The following IRAK1 variants were observed in gnomAD, a reference collection of about 807,000 sequenced individuals.
IRAK1 encodes interleukin-1 receptor-associated kinase 1.
A neutral mutation model predicts 49.8 loss-of-function variants in IRAK1; 9 were observed. The ratio of observed to expected loss-of-function variants is 0.18; its 90% CI spans 0.11 to 0.32. The LOEUF (loss-of-function observed/expected upper bound fraction) is 0.32, where lower values mean the gene tolerates loss of function less well. IRAK1 is among the 10% of genes least tolerant of loss of function. The pLI is 1.00. For synonymous variants in IRAK1, 282 were observed against 270.8 expected (o/e 1.04, Z -0.41); for missense variants, 418 against 600.5 (o/e 0.70, Z 3.18).
Position 154,014,283 on chromosome X carries a change from G to A in IRAK1, c.1303-5C>T. 8.3e-7 allele frequency: 1 copy of A among 1,208,290 alleles called. No individual in the cohort carries two copies. Among genetic ancestry groups the A allele is most frequent in the Admixed American group, 2.2e-5 (1 of 45,532 alleles). ...CTCCTCTTCCACCAGGTCTTTCTGTGGGATAAATACTGTCAGTATGGCTAC... is the reference window on the plus strand; with the variant it reads ...CTCCTCTTCCACCAGGTCTTTCTGTAGGATAAATACTGTCAGTATGGCTAC... On this transcript the variant is annotated splice_polypyrimidine_tract_variant and splice_region_variant and intron_variant, in intron 10 of 13. Coordinates refer to ENST00000369980, the MANE Select transcript of IRAK1 (RefSeq NM_001569.4).
rs1443117961 is a variant in IRAK1 at position 154,014,404 on chromosome X, C to A, written c.1303-126G>T. The A allele has an allele frequency of 1.0e-5, 7 of 680,082 alleles. No homozygotes were observed. In the Admixed American group the frequency reaches 1.1e-4, roughly 11 times the overall value. The allele number at this position is 680,082 out of a possible 1,213,427, so 56.0% of individuals were successfully genotyped here. On this transcript the variant is annotated intron_variant, in intron 10 of 13. Coordinates refer to ENST00000369980, the MANE Select transcript of IRAK1 (RefSeq NM_001569.4). ...AAAAAAAAAAAAAAAGAGATGGGGT[C>A]TCGCTTTGTTGGCCTGGCTGGTCTC...
rs2065701595 is a variant in IRAK1 at position 154,011,933 on chromosome X, G to A, written c.2081-16C>T. On this transcript the variant is annotated splice_polypyrimidine_tract_variant and intron_variant, in intron 13 of 13. Coordinates refer to ENST00000369980, the MANE Select transcript of IRAK1 (RefSeq NM_001569.4). ...AGGCCCAAGCCTACAGAAGGAAGAG[G>A]AAAGTCCGCTTAGCAAATGGGGGAG... 8.3e-7 allele frequency: 1 copy of A among 1,200,040 alleles called. No homozygotes were observed. Among genetic ancestry groups the A allele is most frequent in the Non-Finnish European group, 1.1e-6 (1 of 887,227 alleles).
chrX:154,012,288 C>G (rs781832776), intron 13 of IRAK1, among the ~76,000 whole-genome samples: 1 of 112,744 alleles, frequency 8.9e-6, no homozygotes, highest in East Asian at 2.8e-4. Context: ...TTCCTGAAAG[C>G]ACAGAGTGGG....
chrX:154,019,840 CG>C lies in IRAK1; in HGVS notation c.-29del. ...CTGCCGCCGCCGGGCCGGGACCTGC[CG>C]GGGCCTCTCAGGGCCGCGGCGGGCG... On this transcript the variant is annotated 5_prime_UTR_variant, in exon 1 of 14. Coordinates refer to ENST00000369980, the MANE Select transcript of IRAK1 (RefSeq NM_001569.4). 1 of 795,279 alleles carries C rather than the reference CG, an allele frequency of 1.3e-6. No individual in the cohort carries two copies. Among genetic ancestry groups the C allele is most frequent in the Non-Finnish European group, 1.5e-6 (1 of 663,440 alleles). The allele number at this position is 795,279 out of a possible 1,213,427, so 65.5% of individuals were successfully genotyped here. A position where few individuals can be genotyped will look rare whatever the true frequency, so the allele number is the denominator to read the frequency against.
rs782777000 is a variant in IRAK1, at chrX:154,013,483, G to C, written c.1540-50C>G. 6 of 1,119,149 alleles carry C rather than the reference G, an allele frequency of 5.4e-6. No homozygotes were observed. In the African/African-American group the frequency reaches 1.1e-4, roughly 20 times the overall value. 92.2% of individuals were successfully genotyped at this position (1,119,149 alleles called of 1,213,427 possible). ...CAGGGTGAGATGGCAGCCCTGGCCG[G>C]TCACCCCGTGGGCAAACCACAGGGC... is the stretch of plus-strand genomic sequence containing the variant. On this transcript the variant is annotated intron_variant, in intron 11 of 13. Transcript: ENST00000369980.
intron 12 of IRAK1, 120 bp downstream of exon 12, chrX:154,012,923 G>C (rs1327134214): frequency 2.1e-6 from 2 of 960,675 alleles, no homozygotes; most frequent in African/African-American, 3.9e-5. Context: ...GGTTGCTAAG[G>C]TCACAGTGAG....
In IRAK1 at chrX:154,015,610, C is replaced by A. The variant is rs782506589; in HGVS notation, c.1302+422G>T. 2.7e-5 allele frequency among the ~76,000 whole-genome samples: 3 copies of A among 112,728 alleles called. No homozygotes were observed. The East Asian group carries it at 8.4e-4, about 32-fold the overall frequency. ...CCACCACAGTCCACGGTGAGGCAGA[C>A]TGAGTGGAGTAAGACCGTGAGGCAG... On this transcript the variant is annotated intron_variant, in intron 10 of 13. Transcript: ENST00000369980.
At chrX:154,017,091 G>A (rs201685791) in intron 7 of IRAK1, 24 bp from the exon 8 acceptor site, 2 of 995,063 alleles carry the variant, frequency 2.0e-6, no homozygotes, top group African/African-American at 3.8e-5. Context: ...GGGGGACAGG[G>A]GAGGTTGCTG....
rs782508792 is a variant in IRAK1 at position 154,017,049 on chromosome X, G to A, written c.928C>T (p.Leu310Phe). 20 of 1,203,592 alleles carry A rather than the reference G, an allele frequency of 1.7e-5. No homozygotes were observed. The highest frequency in any genetic ancestry group is 1.6e-5 in the Non-Finnish European group (14 of 889,018). ...LHCQTQACPP[L>F]SWPQRLDILL... ...ATGTCCAGTCGCTGAGGCCAGGAGA[G>A]AGGTGGGCAGGCCTGGGTCTGGGGT... The change falls in exon 8 of 14, where the codon CTC (leucine) becomes TTC (phenylalanine). Residue 310 changes from leucine to phenylalanine, a missense_variant. Physicochemically the swap from Leu to Phe is conservative, Grantham distance 22. Coordinates refer to ENST00000369980, the MANE Select transcript of IRAK1 (RefSeq NM_001569.4).
chrX:154,014,371 TAA>T (rs146868205), intron 10 of IRAK1, 93 bp from the exon 11 acceptor site: 5,234 of 515,359 alleles, frequency 0.01, 3 homozygotes, highest in East Asian at 0.041. Context: ...TGGGTTTTGA[TAA>T]AAAAAAAAAA....
At chrX:154,013,985 A>G in intron 11 of IRAK1, 57 bp downstream of exon 11, 3 of 1,169,683 alleles carry the variant, frequency 2.6e-6, no homozygotes, top group Non-Finnish European at 3.4e-6. Flanking sequence ...CTACAGAGCA[A>G]GGCCTGGAAT....
chrX:154,013,725 AGAG>A (rs1305807401), intron 11 of IRAK1, among the ~76,000 whole-genome samples: 3 of 112,998 alleles, frequency 2.7e-5, no homozygotes, highest in South Asian at 3.6e-4. Context: ...AACTGTCACC[AGAG>A]GAGAAGAGGT....
In IRAK1 at chrX:154,018,608, C is replaced by T; in HGVS notation, c.720G>A (p.Arg240=). 1 of 1,206,088 alleles carries T rather than the reference C, an allele frequency of 8.3e-7. No individual in the cohort carries two copies. Among genetic ancestry groups the T allele is most frequent in the Non-Finnish European group, 1.1e-6 (1 of 891,354 alleles). The part of the protein sequence containing the change: ...VMRNTVYAVK[R]LKENADLEWT... Reference sequence around the variant, plus strand: ...AGGGTGCGACACTCACCTCCTTCAGCCTCTTCACAGCATACACCGTGTTCC... The same window carrying T: ...AGGGTGCGACACTCACCTCCTTCAGTCTCTTCACAGCATACACCGTGTTCC... The change falls in exon 5 of 14, where the codon AGG becomes AGA. Residue 240 remains arginine (R), a synonymous_variant. Transcript: ENST00000369980.
In IRAK1 at chrX:154,019,189, C is replaced by T. The variant is rs1229897677; in HGVS notation, c.436+8G>A. The T allele has an allele frequency of 1.7e-6, 2 of 1,209,435 alleles. No homozygotes were observed. Among genetic ancestry groups the T allele is most frequent in the African/African-American group, 1.8e-5 (1 of 57,141 alleles). On this transcript the variant is annotated splice_region_variant and intron_variant, in intron 3 of 13. Coordinates refer to ENST00000369980, the MANE Select transcript of IRAK1 (RefSeq NM_001569.4). ...GGTCCACCGAGCCTAACAACCGGGC[C>T]CTCTTACCTGGGGAGAGGAAGGTGG... is the stretch of plus-strand genomic sequence containing the variant.
rs1316461594 is a variant in IRAK1 at position 154,018,341 on chromosome X, C to T, written c.744G>A (p.Glu248=). The T allele has an allele frequency of 1.3e-5, 15 of 1,166,055 alleles. No homozygotes were observed. The highest frequency in any genetic ancestry group is 3.2e-5 in the East Asian group (1 of 30,829). The change falls in exon 6 of 14, where the codon GAG becomes GAA. Residue 248 remains glutamate (E), a synonymous_variant. Transcript: ENST00000369980. The part of the protein sequence containing the change: ...VKRLKENADL[E]WTAVKQSFLT... The stretch of plus-strand genomic sequence containing the variant: ...GGAAGCTCTGCTTCACTGCAGTCCA[C>T]TCCAGGTCAGCGTTCTGCAGCCCCC...
At position 154,014,066 on chromosome X, in the gene IRAK1, G is replaced by C. The variant is rs781883503; in HGVS notation, c.1515C>G (p.Ala505=). 3 of 1,193,957 alleles carry C rather than the reference G, an allele frequency of 2.5e-6. No homozygotes were observed. In the African/African-American group the frequency reaches 5.3e-5, roughly 21 times the overall value. Reference sequence around the variant, plus strand: ...CCTGGGTCATAGGAGGCCTCCTTTTGGCCCGGCGGTGCAGGCAGCAGCAGG... The same window carrying C: ...CCTGGGTCATAGGAGGCCTCCTTTTCGCCCGGCGGTGCAGGCAGCAGCAGG... ...QLACCCLHRR[A]KRRPPMTQVY... Residue 505 remains alanine, a synonymous_variant, in exon 11 of 14, where the codon GCC becomes GCG. Coordinates refer to ENST00000369980, the MANE Select transcript of IRAK1 (RefSeq NM_001569.4).
At chrX:154,018,431 G>C in intron 5 of IRAK1, 76 bp from the exon 6 acceptor site, 1 of 977,327 alleles carries the variant, frequency 1.0e-6, no homozygotes, top group Non-Finnish European at 1.5e-6. Context: ...GAAGGCCTTC[G>C]GGCCACCAGT....
At chrX:154,014,371 T>TAAA (rs146868205) in intron 10 of IRAK1, 93 bp from the exon 11 acceptor site, 41 of 530,293 alleles carry the variant, frequency 7.7e-5, no homozygotes, top group South Asian at 4.2e-4. Context: ...TGGGTTTTGA[T>TAAA]AAAAAAAAAA....
At chrX:154,013,518 C>T in intron 11 of IRAK1, 85 bp from the exon 12 acceptor site, 4 of 904,242 alleles carry the variant, frequency 4.4e-6, no homozygotes, top group Non-Finnish European at 6.0e-6. Flanking sequence ...CTGCTCCAGG[C>T]CGTCCGTGAC....
Sources: allele counts gnomAD v4.1 joint callset (sites outside exome capture counted in the v4.1 genomes callset), GRCh38; gene constraint gnomAD v4.1.1; transcripts MANE v1.5; gene names NCBI Gene and HGNC (gene_info 2026-07-23, HGNC 2026-07-21).